The following SCGB2B2 variants were observed in gnomAD, a reference collection of about 807,000 sequenced individuals.
SCGB2B2 encodes the protein secretoglobin-like protein.
SCGB2B2 carries 11 observed loss-of-function variants against 7.6 expected under a neutral mutation model. That is an observed-to-expected ratio of 1.45 (90% CI 0.91 to 2.40). The LOEUF (loss-of-function observed/expected upper bound fraction) is 2.40. SCGB2B2 is among the 30% of genes most tolerant of loss of function. The pLI, the probability that SCGB2B2 is intolerant of heterozygous loss-of-function variation, is 0.00. For synonymous variants in SCGB2B2, 50 were observed against 48.6 expected, an observed-to-expected ratio of 1.03 and a Z score of -0.12; for missense variants, 104 against 115.4, an observed-to-expected ratio of 0.90 and a Z score of 0.45.
At chr19:34,651,280 C>T (rs770903414) in intron 1 of SCGB2B2, among the ~76,000 whole-genome samples, 1 of 151,084 alleles carries the variant, frequency 6.6e-6, no homozygotes, top group Non-Finnish European at 1.5e-5. Flanking sequence ...TAAAGGGCAT[C>T]CAGACTGGAA....
chr19:34,597,228 C>T, intron 1 of SCGB2B2, among the ~76,000 whole-genome samples: 1 of 152,096 alleles, frequency 6.6e-6, no homozygotes, highest in Middle Eastern at 3.2e-3. Context: ...TCCATCCCAC[C>T]CACCACACTG....
intron 1 of SCGB2B2, among the ~76,000 whole-genome samples, chr19:34,642,077 G>A (rs1282345882): frequency 6.6e-6 from 1 of 152,212 alleles, no homozygotes; most frequent in Non-Finnish European, 1.5e-5. Flanking sequence ...GGGAACCCAG[G>A]AAGCTGACAA....
intron 1 of SCGB2B2, among the ~76,000 whole-genome samples, chr19:34,631,046 T>C (rs1433971728): frequency 7.3e-6 from 1 of 137,128 alleles, no homozygotes; most frequent in Non-Finnish European, 1.5e-5. Flanking sequence ...TTCTCACTCA[T>C]AGGTGGGAAT....
intron 1 of SCGB2B2, among the ~76,000 whole-genome samples, chr19:34,644,050 T>C (rs1422684742): frequency 6.6e-6 from 1 of 152,198 alleles, no homozygotes; most frequent in South Asian, 2.1e-4. Context: ...AGAAGATTTG[T>C]GATTTGTGAT....
intron 1 of SCGB2B2, among the ~76,000 whole-genome samples, chr19:34,654,321 T>C (rs1446928992): frequency 1.3e-5 from 2 of 151,064 alleles, no homozygotes; most frequent in Non-Finnish European, 2.9e-5. Flanking sequence ...AAGCTCAACT[T>C]CCCCAAAACT....
Position 34,617,723 on chromosome 19 carries a change from T to A in SCGB2B2, c.-2031-21129A>T, listed in dbSNP as rs578131716. Among the ~76,000 whole-genome samples, 7 of 152,330 alleles carry A rather than the reference T, an allele frequency of 4.6e-5. No homozygotes were observed. In the East Asian group the frequency reaches 1.3e-3, roughly 29 times the overall value. On this transcript the variant is annotated intron_variant, in intron 1 of 3. Coordinates refer to ENST00000601241, the MANE Select transcript of SCGB2B2 (RefSeq NM_001025591.4). ...CCTGGCTAGAACTTCCAACACTATG[T>A]TGAATAGGAGTGGTGAGAGAGGACA...
chr19:34,663,975 AC>A (rs1405861177), intron 1 of SCGB2B2, among the ~76,000 whole-genome samples: 1 of 56,908 alleles, frequency 1.8e-5, no homozygotes, highest in Non-Finnish European at 3.8e-5. Context: ...CTCCCCGCCC[AC>A]CCCACCCCTC....
intron 1 of SCGB2B2, among the ~76,000 whole-genome samples, chr19:34,628,781 T>A (rs113270638): frequency 5.9e-5 from 9 of 152,038 alleles, no homozygotes; most frequent in African/African-American, 2.2e-4. Flanking sequence ...GGCAGCATCA[T>A]CCTGATACCA....
At chr19:34,670,428 C>A (rs535773951) in intron 1 of SCGB2B2, among the ~76,000 whole-genome samples, 2 of 152,302 alleles carry the variant, frequency 1.3e-5, no homozygotes, top group East Asian at 3.9e-4. Context: ...CTTTAATTTT[C>A]ACTATTCCCG....
At chr19:34,633,306 T>C (rs75378572) in intron 1 of SCGB2B2, among the ~76,000 whole-genome samples, 4,287 of 152,290 alleles carry the variant, frequency 0.028, 75 homozygotes, top group Non-Finnish European at 0.045. Context: ...TATTAACATA[T>C]AAGAAAGACT....
Position 34,675,965 on chromosome 19 carries a change from T to C in SCGB2B2, c.-2367A>G, listed in dbSNP as rs1029644328. On this transcript the variant is annotated 5_prime_UTR_variant, in exon 1 of 4. An upstream start codon of the reference 5' UTR is lost. Coordinates refer to ENST00000601241, the MANE Select transcript of SCGB2B2 (RefSeq NM_001025591.4). Reference sequence around the variant, plus strand: ...CCTTCAGGGTGAGTGTTGCAGCTCATAAAGGTAGTGCAGACCCAAAGAGCA... The same window carrying C: ...CCTTCAGGGTGAGTGTTGCAGCTCACAAAGGTAGTGCAGACCCAAAGAGCA... 3.3e-5 allele frequency: 5 copies of C among 152,284 alleles called. No homozygotes were observed. Among genetic ancestry groups the C allele is most frequent in the African/African-American group, 9.7e-5 (4 of 41,432 alleles). The allele number at this position is 152,284 out of a possible 1,614,324, so 9.4% of individuals were successfully genotyped here.
chr19:34,669,365 A>G (rs1318940132), intron 1 of SCGB2B2, among the ~76,000 whole-genome samples: 1 of 152,220 alleles, frequency 6.6e-6, no homozygotes, highest in Non-Finnish European at 1.5e-5. Context: ...CGAAAGCTGC[A>G]CCTAATCTGC....
At position 34,596,378 on chromosome 19, in the gene SCGB2B2, T is replaced by A. The variant is rs973108812; in HGVS notation, c.-1815A>T. ...TGCAGGCGTCCATGCGTGCTGAGACTCTCAGCCGGCTCTGTGGCCTGTCAT... is the reference window on the plus strand; with the variant it reads ...TGCAGGCGTCCATGCGTGCTGAGACACTCAGCCGGCTCTGTGGCCTGTCAT... On this transcript the variant is annotated 5_prime_UTR_variant, in exon 2 of 4. Coordinates refer to ENST00000601241, the MANE Select transcript of SCGB2B2 (RefSeq NM_001025591.4). The A allele has an allele frequency of 2.0e-5, 3 of 152,554 alleles. No individual in the cohort carries two copies. The highest frequency in any genetic ancestry group is 2.9e-5 in the Non-Finnish European group (2 of 68,134). 9.5% of individuals were successfully genotyped at this position (152,554 alleles called of 1,614,324 possible).
At chr19:34,670,696 TA>T (rs1244312126) in intron 1 of SCGB2B2, among the ~76,000 whole-genome samples, 1 of 152,252 alleles carries the variant, frequency 6.6e-6, no homozygotes. Context: ...TCCTTCATCT[TA>T]AAAGAGCATG....
chr19:34,670,896 C>T (rs572114052), intron 1 of SCGB2B2, among the ~76,000 whole-genome samples: 2 of 152,116 alleles, frequency 1.3e-5, no homozygotes, highest in East Asian at 3.9e-4. Flanking sequence ...TATTGTATAC[C>T]GTGTGAGGTT....
intron 1 of SCGB2B2, among the ~76,000 whole-genome samples, chr19:34,666,006 T>G (rs544554560): frequency 6.6e-6 from 1 of 152,054 alleles, no homozygotes; most frequent in South Asian, 2.1e-4. Flanking sequence ...ACCCTGATGC[T>G]CAGCCCCCTG....
chr19:34,668,271 C>T (rs1208915148), intron 1 of SCGB2B2, among the ~76,000 whole-genome samples: 4 of 152,138 alleles, frequency 2.6e-5, no homozygotes, highest in Admixed American at 6.5e-5. Flanking sequence ...GTGGGCTTGG[C>T]GGGCCCCGCA....
rs1265043068 is a variant in SCGB2B2 at position 34,676,395 on chromosome 19, T to C, written c.-2797A>G. On this transcript the variant is annotated 5_prime_UTR_variant, in exon 1 of 4. The change creates a new upstream start codon in the 5' untranslated region. Transcript: ENST00000601241. ...ATGGTAAGGTTCAGAAGTTACCCTG[T>C]ATGGTTCAAAAAGCTGGGAAGCCCT... is the stretch of plus-strand genomic sequence containing the variant. The C allele has an allele frequency of 1.3e-5, 2 of 152,200 alleles. No homozygotes were observed. Among genetic ancestry groups the C allele is most frequent in the South Asian group, 2.1e-4 (1 of 4,830 alleles). 9.4% of individuals were successfully genotyped at this position (152,200 alleles called of 1,614,324 possible). A position where few individuals can be genotyped will look rare whatever the true frequency, so the allele number is the denominator to read the frequency against.
chr19:34,669,142 G>A (rs1407482275), intron 1 of SCGB2B2, among the ~76,000 whole-genome samples: 1 of 151,992 alleles, frequency 6.6e-6, no homozygotes, highest in Admixed American at 6.6e-5. Context: ...CTCCAGACGC[G>A]CCGCCTTAAG....
Sources: allele counts gnomAD v4.1 joint callset (sites outside exome capture counted in the v4.1 genomes callset), GRCh38; gene constraint gnomAD v4.1.1; transcripts MANE v1.5; gene names NCBI Gene and HGNC (gene_info 2026-07-23, HGNC 2026-07-21).